Variants in AK6 observed in about 807,000 individuals in gnomAD.
The protein encoded by AK6 is adenylate kinase 6.
A neutral mutation model predicts 23.7 loss-of-function variants in AK6; 24 were observed. The observed-to-expected ratio is 1.01, with a 90% confidence interval of 0.73 to 1.43. The LOEUF is 1.43. Ranked by LOEUF, AK6 falls within the 40% of genes most tolerant of loss-of-function variation. The pLI is 0.00. For synonymous variants in AK6, 73 were observed against 69.8 expected, an observed-to-expected ratio of 1.05 and a Z score of -0.23; for missense variants, 191 against 199.1, an observed-to-expected ratio of 0.96 and a Z score of 0.24.
intron 1 of AK6, among the ~76,000 whole-genome samples, chr5:69,368,633 G>C (rs984050949): frequency 1.3e-5 from 2 of 152,110 alleles, no homozygotes; most frequent in Non-Finnish European, 2.9e-5. Flanking sequence ...TTACCTTTGG[G>C]TGAATGATGT....
intron 1 of AK6, 61 bp from the exon 2 acceptor site, chr5:69,366,656 A>G: frequency 8.5e-7 from 1 of 1,180,656 alleles, no homozygotes; most frequent in East Asian, 2.3e-5. Context: ...ACTGCGGTCC[A>G]CCTTCTGCCT....
Position 69,369,493 on chromosome 5 carries a change from T to A in AK6, c.-3A>T. 1 of 1,611,268 alleles carries A rather than the reference T, an allele frequency of 6.2e-7. No individual in the cohort carries two copies. Among genetic ancestry groups the A allele is most frequent in the Non-Finnish European group, 8.5e-7 (1 of 1,179,312 alleles). On this transcript the variant is annotated 5_prime_UTR_variant, in exon 1 of 5. Coordinates refer to ENST00000380822, the MANE Select transcript of AK6 (RefSeq NM_016283.5). ...AGCAGGATGTTCGGAAGCAACATGG[T>A]CCCCGCCGCGACGGCTTCGGGCGCC...
At chr5:69,366,359 T>C (rs1411812033) in intron 2 of AK6, 144 bp downstream of exon 2, 2 of 639,900 alleles carry the variant, frequency 3.1e-6, no homozygotes, top group Non-Finnish European at 2.7e-6. Context: ...ACACTTAATA[T>C]TTCTGTGGAT....
At chr5:69,356,031 G>A in intron 2 of AK6, 78 bp from the exon 3 acceptor site, 1 of 1,248,696 alleles carries the variant, frequency 8.0e-7, no homozygotes, top group Non-Finnish European at 1.1e-6. Context: ...CTAGACTTCA[G>A]GAAAGGAAAT....
chr5:69,369,817 C>T (rs1017128396), upstream of AK6: 66 of 1,098,136 alleles, frequency 6.0e-5, no homozygotes, highest in African/African-American at 5.1e-4. Context: ...CCCGGGAGGC[C>T]GTACCTCCGA....
At chr5:69,365,175 G>A (rs1377237019) in intron 2 of AK6, 1 of 1,614,210 alleles carries the variant, frequency 6.2e-7, no homozygotes, top group Non-Finnish European at 8.5e-7. Context: ...CATCTGTACT[G>A]TAAACCTTTG....
chr5:69,354,962 A>G (rs1762043314), intron 4 of AK6, among the ~76,000 whole-genome samples: 1 of 151,996 alleles, frequency 6.6e-6, no homozygotes, highest in Non-Finnish European at 1.5e-5. Flanking sequence ...AGTAGCTGGG[A>G]CTGTACAGGT....
chr5:69,360,978 T>G (rs148608492), intron 2 of AK6, among the ~76,000 whole-genome samples: 8 of 152,308 alleles, frequency 5.3e-5, no homozygotes, highest in East Asian at 1.9e-4. Context: ...CGTCTAGACC[T>G]ATGGGTATTC....
chr5:69,351,222 TCTCA>T lies in AK6; in HGVS notation c.*835_*838del, dbSNP rs1761943833. On this transcript the variant is annotated 3_prime_UTR_variant, in exon 5 of 5. Coordinates refer to ENST00000380822, the MANE Select transcript of AK6 (RefSeq NM_016283.5). ...TTATGTTTATTTTTAGAGTCTAAGGTCTCACTATGTTGCCCAGGCTGGTCTTGAA... is the reference window on the plus strand; with the variant it reads ...TTATGTTTATTTTTAGAGTCTAAGGTCTATGTTGCCCAGGCTGGTCTTGAA... 6.6e-6 allele frequency: 1 copy of T among 151,834 alleles called. No homozygotes were observed. Among genetic ancestry groups the T allele is most frequent in the African/African-American group, 2.4e-5 (1 of 41,110 alleles). The allele number at this position is 151,834 out of a possible 1,614,324, so 9.4% of individuals were successfully genotyped here. A position where few individuals can be genotyped will look rare whatever the true frequency, so the allele number is the denominator to read the frequency against.
intron 2 of AK6, among the ~76,000 whole-genome samples, chr5:69,358,262 C>T (rs1250938190): frequency 1.3e-5 from 2 of 151,964 alleles, no homozygotes; most frequent in Non-Finnish European, 2.9e-5. Flanking sequence ...GTGGCTCATG[C>T]CTGTAATTCC....
At chr5:69,367,220 T>C (rs1274268813) in intron 1 of AK6, among the ~76,000 whole-genome samples, 6 of 151,962 alleles carry the variant, frequency 3.9e-5, no homozygotes, top group Non-Finnish European at 8.8e-5. Context: ...AGAATAAAAT[T>C]AGCCATCTCG....
intron 2 of AK6, among the ~76,000 whole-genome samples, chr5:69,360,257 T>C (rs1001867796): frequency 6.6e-6 from 1 of 152,182 alleles, no homozygotes; most frequent in Non-Finnish European, 1.5e-5. Flanking sequence ...GGTAGGATTC[T>C]AGGCACAGCA....
chr5:69,362,463 G>A (rs1004551864), intron 2 of AK6, among the ~76,000 whole-genome samples: 3 of 152,158 alleles, frequency 2.0e-5, no homozygotes, highest in Admixed American at 1.3e-4. Flanking sequence ...CAGGATCTGG[G>A]TTAAAAAATC....
intron 2 of AK6, chr5:69,365,095 T>C: frequency 6.2e-7 from 1 of 1,614,270 alleles, no homozygotes; most frequent in East Asian, 2.2e-5. Context: ...AATGATGGAT[T>C]AATCAGAACA....
chr5:69,351,881 C>T lies in AK6; in HGVS notation c.*180G>A. On this transcript the variant is annotated 3_prime_UTR_variant, in exon 5 of 5. Coordinates refer to ENST00000380822, the MANE Select transcript of AK6 (RefSeq NM_016283.5). ...TCTCAATCCTTAATAATACTATATT[C>T]ATTATATTTCATGTTTAGCTTTCTC... The T allele has an allele frequency of 2.4e-6, 1 of 422,772 alleles. No individual in the cohort carries two copies. The highest frequency in any genetic ancestry group is 4.1e-6 in the Non-Finnish European group (1 of 242,472). The allele number at this position is 422,772 out of a possible 1,614,324, so 26.2% of individuals were successfully genotyped here. A position where few individuals can be genotyped will look rare whatever the true frequency, so the allele number is the denominator to read the frequency against.
Position 69,366,521 on chromosome 5 carries a change from C to G in AK6, c.103G>C (p.Gly35Arg). The G allele has an allele frequency of 2.5e-6, 4 of 1,613,910 alleles. No individual in the cohort carries two copies. Among genetic ancestry groups the G allele is most frequent in the Non-Finnish European group, 3.4e-6 (4 of 1,179,942 alleles). Reference protein sequence around the residue: ...SKSGLKYINVGDLAREEQLYD... With the variant: ...SKSGLKYINVRDLAREEQLYD... ...CCCTTACCTTCTCGAGCTAAATCAC[C>G]CACATTAATGTATTTCAGTCCTGAT... Residue 35 changes from glycine to arginine, a missense_variant, in exon 2 of 5, where the codon GGT (glycine) becomes CGT (arginine). Coordinates refer to ENST00000380822, the MANE Select transcript of AK6 (RefSeq NM_016283.5).
At chr5:69,358,243 GC>G (rs1487370979) in intron 2 of AK6, among the ~76,000 whole-genome samples, 1 of 152,014 alleles carries the variant, frequency 6.6e-6, no homozygotes, top group Non-Finnish European at 1.5e-5. Flanking sequence ...GATGACTCTG[GC>G]CGGTGCGGTG....
Position 69,364,721 on chromosome 5 carries a change from A to G in AK6, c.121+1782T>C, listed in dbSNP as rs111689224. On this transcript the variant is annotated intron_variant, in intron 2 of 4. Transcript: ENST00000380822. Reference sequence around the variant, plus strand: ...CAAGGAGAAAATTGCTTTTAAAAACATAACTGCCAAAGCACCAACAATCGA... The same window carrying G: ...CAAGGAGAAAATTGCTTTTAAAAACGTAACTGCCAAAGCACCAACAATCGA... 515 of 633,732 alleles carry G rather than the reference A, an allele frequency of 8.1e-4. 5 individuals are homozygous for G. The highest frequency in any genetic ancestry group is 7.0e-3 in the African/African-American group (387 of 55,506). 39.3% of individuals were successfully genotyped at this position (633,732 alleles called of 1,614,324 possible). A position where few individuals can be genotyped will look rare whatever the true frequency, so the allele number is the denominator to read the frequency against.
chr5:69,352,073 A>T lies in AK6; in HGVS notation c.507T>A (p.Asp169Glu), dbSNP rs1761961960. 6.2e-7 allele frequency: 1 copy of T among 1,609,282 alleles called. No individual in the cohort carries two copies. Among genetic ancestry groups the T allele is most frequent in the African/African-American group, 1.3e-5 (1 of 74,800 alleles). ...ILKWIEQWIKDHNS is the reference protein window; with the variant it reads ...ILKWIEQWIKEHNS ...CTAGCCTTATAAGTCAAGAGTTATGATCTTTGATCCACTGCTCAATCCATT... is the reference window on the plus strand; with the variant it reads ...CTAGCCTTATAAGTCAAGAGTTATGTTCTTTGATCCACTGCTCAATCCATT... The change falls in exon 5 of 5, where the codon GAT becomes GAA. Residue 169 changes from aspartate to glutamate, a missense_variant. Transcript: ENST00000380822.
Sources: allele counts gnomAD v4.1 joint callset (sites outside exome capture counted in the v4.1 genomes callset), GRCh38; gene constraint gnomAD v4.1.1; transcripts MANE v1.5; gene names NCBI Gene and HGNC (gene_info 2026-07-23, HGNC 2026-07-21).